The following SHISA9 variants were observed in gnomAD, a reference collection of about 807,000 sequenced individuals.
SHISA9 encodes the protein protein shisa-9.
SHISA9 carries 13 observed loss-of-function variants against 38.0 expected under a neutral mutation model. The observed-to-expected ratio is 0.34, with a 90% CI of 0.22 to 0.54. The LOEUF (loss-of-function observed/expected upper bound fraction) is 0.54, where lower values mean the gene tolerates loss of function less well. SHISA9 is among the 20% of genes least tolerant of loss of function. The pLI, the probability that SHISA9 is intolerant of heterozygous loss-of-function variation, is 0.91. For synonymous variants in SHISA9, 275 were observed against 242.0 expected (o/e 1.14, Z -1.27); for missense variants, 538 against 575.8 (o/e 0.93, Z 0.67).
the SHISA9 span, among the ~76,000 whole-genome samples, chr16:13,328,608 A>G: frequency 2.8e-5 from 4 of 141,562 alleles, no homozygotes; most frequent in South Asian, 9.6e-4. Context: ...ACACACACAC[A>G]CACACACACA....
At chr16:13,284,963 C>T in the SHISA9 span, among the ~76,000 whole-genome samples, 1 of 152,134 alleles carries the variant, frequency 6.6e-6, no homozygotes, top group Admixed American at 6.5e-5. Flanking sequence ...TGTTACCTGT[C>T]TTAACTTTCC....
intron 2 of SHISA9, among the ~76,000 whole-genome samples, chr16:12,972,072 T>TGTGTGTGC (rs1345942327): frequency 6.6e-6 from 1 of 151,166 alleles, no homozygotes; most frequent in Non-Finnish European, 1.5e-5. Context: ...TGTGTGTGTG[T>TGTGTGTGC]GTGTGTGTGT....
intron 2 of SHISA9, among the ~76,000 whole-genome samples, chr16:13,001,339 C>T (rs1472497080): frequency 1.3e-5 from 2 of 152,142 alleles, no homozygotes; most frequent in East Asian, 1.9e-4. Context: ...CCCTCTCCTC[C>T]CTGGGCTGGC....
intron 2 of SHISA9, among the ~76,000 whole-genome samples, chr16:13,099,289 A>AAC (rs58123101): frequency 0.2 from 29,681 of 152,002 alleles, 5,340 homozygotes; most frequent in African/African-American, 0.47. Flanking sequence ...AAAAATGAAC[A>AAC]ACACACACAC....
At chr16:13,003,355 C>T (rs2072550082) in intron 2 of SHISA9, among the ~76,000 whole-genome samples, 1 of 152,226 alleles carries the variant, frequency 6.6e-6, no homozygotes, top group Non-Finnish European at 1.5e-5. Flanking sequence ...AGACCTGGAT[C>T]TCTCTGCCCT....
At chr16:13,465,034 A>G in the SHISA9 span, among the ~76,000 whole-genome samples, 1 of 152,164 alleles carries the variant, frequency 6.6e-6, no homozygotes, top group Non-Finnish European at 1.5e-5. Context: ...AAAGGCTACT[A>G]TTTGCCATTA....
At chr16:12,969,123 C>G (rs1007764570) in intron 2 of SHISA9, among the ~76,000 whole-genome samples, 5 of 150,086 alleles carry the variant, frequency 3.3e-5, no homozygotes, top group Non-Finnish European at 7.4e-5. Context: ...TGCCACTGCT[C>G]TCTGTCCTGG....
intron 1 of SHISA9, chr16:12,909,196 C>A: frequency 6.1e-6 from 6 of 985,704 alleles, no homozygotes; most frequent in Non-Finnish European, 7.2e-6. Flanking sequence ...GGCACTGAGT[C>A]CTTGCATTTT....
At chr16:13,056,775 C>T (rs975513885) in intron 2 of SHISA9, among the ~76,000 whole-genome samples, 9 of 152,206 alleles carry the variant, frequency 5.9e-5, no homozygotes, top group African/African-American at 2.2e-4. Context: ...CTGCCAAACA[C>T]AGCAGTCAGT....
chr16:13,032,350 G>A (rs973759612), intron 2 of SHISA9, among the ~76,000 whole-genome samples: 3 of 152,184 alleles, frequency 2.0e-5, no homozygotes, highest in African/African-American at 2.4e-5. Context: ...AAAAGGACAC[G>A]AACTCTTCTT....
intron 2 of SHISA9, among the ~76,000 whole-genome samples, chr16:13,164,501 G>A (rs2050620180): frequency 6.6e-6 from 1 of 151,962 alleles, no homozygotes; most frequent in African/African-American, 2.4e-5. Flanking sequence ...GGAATGAGTT[G>A]CAAAATATTC....
the SHISA9 span, among the ~76,000 whole-genome samples, chr16:13,538,698 C>T: frequency 6.6e-6 from 1 of 152,052 alleles, no homozygotes; most frequent in Non-Finnish European, 1.5e-5. Context: ...TGATAAATTG[C>T]CCCACACTGT....
At chr16:13,379,711 T>C in the SHISA9 span, among the ~76,000 whole-genome samples, 2 of 152,188 alleles carry the variant, frequency 1.3e-5, no homozygotes, top group Non-Finnish European at 2.9e-5. Context: ...TTTGTCATTT[T>C]CGGCTATCTC....
chr16:12,919,369 T>C (rs1369535061), intron 2 of SHISA9, among the ~76,000 whole-genome samples: 2 of 152,232 alleles, frequency 1.3e-5, no homozygotes, highest in Non-Finnish European at 2.9e-5. Flanking sequence ...GGGCACGTCA[T>C]GCTATTTTCA....
At chr16:13,036,236 C>T (rs917641489) in intron 2 of SHISA9, among the ~76,000 whole-genome samples, 3 of 152,224 alleles carry the variant, frequency 2.0e-5, no homozygotes, top group Non-Finnish European at 2.9e-5. Flanking sequence ...TAAAAGTAAC[C>T]CCCAAATCTA....
Position 12,901,967 on chromosome 16 carries a change from C to T in SHISA9, c.-98C>T. ...ATGTGCGGCCCGCGGCGGCTCGCAG[C>T]TCCCGGCAGCAGCCTCGGCAGCTTC... On this transcript the variant is annotated 5_prime_UTR_variant, in exon 1 of 5. Transcript: ENST00000558583. 9.2e-7 allele frequency: 1 copy of T among 1,088,694 alleles called. No homozygotes were observed. The highest frequency in any genetic ancestry group is 1.2e-6 in the Non-Finnish European group (1 of 843,472). 67.4% of individuals were successfully genotyped at this position (1,088,694 alleles called of 1,614,324 possible). A position where few individuals can be genotyped will look rare whatever the true frequency, so the allele number is the denominator to read the frequency against.
the SHISA9 span, among the ~76,000 whole-genome samples, chr16:13,248,273 C>T: frequency 6.6e-6 from 1 of 152,094 alleles, no homozygotes; most frequent in African/African-American, 2.4e-5. Flanking sequence ...TTTTGTAATT[C>T]ATTCAACAAA....
intron 2 of SHISA9, among the ~76,000 whole-genome samples, chr16:13,081,660 G>A (rs2073651183): frequency 6.6e-6 from 1 of 152,120 alleles, no homozygotes; most frequent in East Asian, 1.9e-4. Flanking sequence ...AGGCAGGAAT[G>A]GATCTCAGGA....
At chr16:13,388,468 T>C in the SHISA9 span, among the ~76,000 whole-genome samples, 4 of 151,996 alleles carry the variant, frequency 2.6e-5, no homozygotes, top group Non-Finnish European at 4.4e-5. Context: ...TCCACCACCA[T>C]GCCCAGCTAA....
Sources: allele counts gnomAD v4.1 joint callset (sites outside exome capture counted in the v4.1 genomes callset), GRCh38; gene constraint gnomAD v4.1.1; transcripts MANE v1.5; gene names NCBI Gene and HGNC (gene_info 2026-07-23, HGNC 2026-07-21).